Variants in MGAT4C observed in about 807,000 individuals in gnomAD.
MGAT4C encodes the protein alpha-1,3-mannosyl-glycoprotein 4-beta-N-acetylglucosaminyltransferase C.
MGAT4C carries 19 observed loss-of-function variants against 40.1 expected under a neutral mutation model. The ratio of observed to expected loss-of-function variants is 0.47; its 90% CI spans 0.33 to 0.70. The LOEUF is 0.70. Ranked by LOEUF, MGAT4C falls within the 30% of genes least tolerant of loss-of-function variation. MGAT4C has a pLI of 0.02. For missense variants in MGAT4C, 491 were observed against 563.2 expected (o/e 0.87, Z 1.30); for synonymous variants, 181 against 187.1 (o/e 0.97, Z 0.27).
chr12:86,687,353 C>A (rs1436495899), intron 2 of MGAT4C, among the ~76,000 whole-genome samples: 1 of 151,978 alleles, frequency 6.6e-6, no homozygotes, highest in Admixed American at 6.6e-5. Flanking sequence ...CTGCTGTGAT[C>A]TTCGTTATTT....
chr12:86,508,165 G>C (rs1044367331), intron 2 of MGAT4C, among the ~76,000 whole-genome samples: 1 of 151,874 alleles, frequency 6.6e-6, no homozygotes, highest in African/African-American at 2.4e-5. Flanking sequence ...CCACTAACTC[G>C]TCATCTAGCA....
intron 1 of MGAT4C, among the ~76,000 whole-genome samples, chr12:86,152,571 C>T (rs1269146450): frequency 6.6e-6 from 1 of 152,218 alleles, no homozygotes; most frequent in African/African-American, 2.4e-5. Context: ...ATTCAAGCCA[C>T]AGCACCCACA....
chr12:86,047,319 G>C (rs1892495780), intron 2 of MGAT4C, among the ~76,000 whole-genome samples: 1 of 151,812 alleles, frequency 6.6e-6, no homozygotes, highest in South Asian at 2.1e-4. Context: ...ACTGCATATT[G>C]GATCTATCTA....
At chr12:86,563,781 G>A (rs1276552062) in intron 2 of MGAT4C, among the ~76,000 whole-genome samples, 1 of 152,136 alleles carries the variant, frequency 6.6e-6, no homozygotes, top group Non-Finnish European at 1.5e-5. Context: ...GTTAAAGTAG[G>A]GGCTTATGGA....
At chr12:86,526,376 G>T (rs1049071530) in intron 2 of MGAT4C, among the ~76,000 whole-genome samples, 2 of 152,124 alleles carry the variant, frequency 1.3e-5, no homozygotes, top group African/African-American at 4.8e-5. Context: ...GGTGGAGCAA[G>T]AAAAGCAACA....
intron 2 of MGAT4C, among the ~76,000 whole-genome samples, chr12:86,556,949 C>T (rs1445024357): frequency 6.6e-6 from 1 of 151,570 alleles, no homozygotes; most frequent in Non-Finnish European, 1.5e-5. Context: ...AAGAAGAAAG[C>T]TATTATGTTG....
intron 4 of MGAT4C, among the ~76,000 whole-genome samples, chr12:86,328,764 A>G (rs1954584567): frequency 6.6e-6 from 1 of 152,086 alleles, no homozygotes; most frequent in African/African-American, 2.4e-5. Flanking sequence ...TGCATTTTTA[A>G]TCAAAATGTT....
intron 2 of MGAT4C, among the ~76,000 whole-genome samples, chr12:86,480,390 T>C (rs1014765572): frequency 6.6e-6 from 1 of 151,706 alleles, no homozygotes; most frequent in Non-Finnish European, 1.5e-5. Context: ...TACATATGCA[T>C]ACATGTGTAC....
intron 2 of MGAT4C, among the ~76,000 whole-genome samples, chr12:86,018,534 T>G (rs1889325286): frequency 6.6e-6 from 1 of 152,174 alleles, no homozygotes; most frequent in African/African-American, 2.4e-5. Flanking sequence ...ATTCGGTACT[T>G]TCTGATGAGC....
intron 1 of MGAT4C, among the ~76,000 whole-genome samples, chr12:86,179,238 A>C (rs1016939728): frequency 9.9e-5 from 15 of 152,158 alleles, no homozygotes; most frequent in Admixed American, 6.5e-5. Flanking sequence ...CCATGTAAGA[A>C]GTGCCTTTCG....
chr12:86,278,934 T>C (rs531397115), intron 4 of MGAT4C, among the ~76,000 whole-genome samples: 1 of 99,908 alleles, frequency 1.0e-5, no homozygotes, highest in Non-Finnish European at 2.3e-5. Flanking sequence ...GAAATTATCA[T>C]ATAGGTTTTG....
intron 2 of MGAT4C, among the ~76,000 whole-genome samples, chr12:86,703,195 A>T (rs781703170): frequency 5.3e-5 from 8 of 152,152 alleles, no homozygotes; most frequent in Non-Finnish European, 1.0e-4. Flanking sequence ...CTTTTTTGAG[A>T]TGAAACAAAC....
intron 2 of MGAT4C, among the ~76,000 whole-genome samples, chr12:86,034,754 G>A (rs959302821): frequency 1.3e-5 from 2 of 148,798 alleles, no homozygotes; most frequent in African/African-American, 4.9e-5. Context: ...AACAGGTTCC[G>A]GTGTGTGATG....
intron 2 of MGAT4C, among the ~76,000 whole-genome samples, chr12:85,996,429 C>G (rs1565832867): frequency 6.6e-6 from 1 of 152,122 alleles, no homozygotes; most frequent in African/African-American, 2.4e-5. Flanking sequence ...GGACAAACAT[C>G]CAGCCAAACT....
intron 1 of MGAT4C, among the ~76,000 whole-genome samples, chr12:86,078,339 A>T (rs936788844): frequency 8.5e-5 from 13 of 152,222 alleles, no homozygotes; most frequent in Admixed American, 3.3e-4. Context: ...TTCCATGAGC[A>T]TGAGCCCACT....
chr12:86,123,690 G>T (rs1593003212), intron 1 of MGAT4C, among the ~76,000 whole-genome samples: 1 of 151,994 alleles, frequency 6.6e-6, no homozygotes, highest in African/African-American at 2.4e-5. Flanking sequence ...GTCTGTAAAT[G>T]TCTTTATAGT....
In MGAT4C at chr12:85,965,971, T is replaced by C. The variant is rs1030403459; in HGVS notation, c.*13318A>G. The C allele has an allele frequency of 1.3e-5, 2 of 152,160 alleles. No individual in the cohort carries two copies. The highest frequency in any genetic ancestry group is 2.9e-5 in the Non-Finnish European group (2 of 68,026). The allele number at this position is 152,160 out of a possible 1,614,324, so 9.4% of individuals were successfully genotyped here. A position where few individuals can be genotyped will look rare whatever the true frequency, so the allele number is the denominator to read the frequency against. ...CAGGATACAGAGGGCACTCCTTAAATAGCTGCCAAATAAATGACATTAAAA... is the reference window on the plus strand; with the variant it reads ...CAGGATACAGAGGGCACTCCTTAAACAGCTGCCAAATAAATGACATTAAAA... On this transcript the variant is annotated 3_prime_UTR_variant, in exon 5 of 5. Transcript: ENST00000611864.
intron 3 of MGAT4C, among the ~76,000 whole-genome samples, chr12:86,424,569 C>T (rs1956890179): frequency 6.6e-6 from 1 of 152,126 alleles, no homozygotes; most frequent in African/African-American, 2.4e-5. Flanking sequence ...CTAAATAATA[C>T]CTCCCCAGCT....
chr12:86,278,338 C>A (rs1953129903), intron 4 of MGAT4C, among the ~76,000 whole-genome samples: 1 of 151,978 alleles, frequency 6.6e-6, no homozygotes, highest in Non-Finnish European at 1.5e-5. Context: ...GCCACCACAC[C>A]CAGCTAATTT....
Sources: allele counts gnomAD v4.1 joint callset (sites outside exome capture counted in the v4.1 genomes callset), GRCh38; gene constraint gnomAD v4.1.1; transcripts MANE v1.5; gene names NCBI Gene and HGNC (gene_info 2026-07-23, HGNC 2026-07-21).